The following PDE3B variants were observed in gnomAD, a reference collection of about 807,000 sequenced individuals.
The protein encoded by PDE3B is cGMP-inhibited 3',5'-cyclic phosphodiesterase 3B.
In PDE3B, 66 loss-of-function variants were observed where a neutral mutation model predicts 116.8. The observed-to-expected ratio is 0.56, with a 90% confidence interval of 0.46 to 0.69. The LOEUF (loss-of-function observed/expected upper bound fraction) is 0.69. Ranked by LOEUF, PDE3B falls within the 30% of genes least tolerant of loss-of-function variation. PDE3B has a pLI of 0.00. For synonymous variants in PDE3B, 595 were observed against 533.6 expected, an observed-to-expected ratio of 1.12 and a Z score of -1.59; for missense variants, 1,384 against 1,368.1, an observed-to-expected ratio of 1.01 and a Z score of -0.18.
chr11:14,702,555 C>T (rs1014076507), intron 1 of PDE3B, among the ~76,000 whole-genome samples: 1 of 151,846 alleles, frequency 6.6e-6, no homozygotes, highest in Non-Finnish European at 1.5e-5. Context: ...TTTGGAGCAG[C>T]TGGAGCTCAA....
chr11:14,811,621 T>C (rs368642504), intron 5 of PDE3B, among the ~76,000 whole-genome samples: 6 of 152,132 alleles, frequency 3.9e-5, no homozygotes, highest in Admixed American at 6.6e-5. Flanking sequence ...CTTGGCGATG[T>C]GGGCTCTTTT....
intron 12 of PDE3B, among the ~76,000 whole-genome samples, chr11:14,856,440 A>T (rs1847852064): frequency 6.6e-6 from 1 of 152,014 alleles, no homozygotes; most frequent in Non-Finnish European, 1.5e-5. Flanking sequence ...AAACAACAAA[A>T]CTAGCTGCTT....
intron 1 of PDE3B, among the ~76,000 whole-genome samples, chr11:14,738,984 A>G (rs1404784681): frequency 1.3e-5 from 2 of 152,210 alleles, no homozygotes; most frequent in Admixed American, 6.5e-5. Flanking sequence ...TACTAGTACC[A>G]TGCTGTTTTG....
At chr11:14,664,648 A>G (rs1053263542) in intron 1 of PDE3B, among the ~76,000 whole-genome samples, 1 of 152,238 alleles carries the variant, frequency 6.6e-6, no homozygotes, top group Non-Finnish European at 1.5e-5. Context: ...GCTCTAAGCA[A>G]ATAAACTAGA....
chr11:14,658,968 G>A (rs11023294), intron 1 of PDE3B, among the ~76,000 whole-genome samples: 18,063 of 151,946 alleles, frequency 0.12, 1,370 homozygotes, highest in African/African-American at 0.22. Context: ...AAATCACTTC[G>A]CAGGACATTT....
chr11:14,687,121 A>G (rs1272417149), intron 1 of PDE3B, among the ~76,000 whole-genome samples: 2 of 152,190 alleles, frequency 1.3e-5, no homozygotes, highest in African/African-American at 4.8e-5. Context: ...CCTTCCAACT[A>G]TCCATGTGTT....
chr11:14,848,053 C>T (rs1244433104), intron 12 of PDE3B, among the ~76,000 whole-genome samples: 1 of 150,756 alleles, frequency 6.6e-6, no homozygotes, highest in Non-Finnish European at 1.5e-5. Flanking sequence ...AATTTTAGAC[C>T]AATATCCTTG....
chr11:14,723,773 C>A (rs1030790452), intron 1 of PDE3B, among the ~76,000 whole-genome samples: 31 of 150,408 alleles, frequency 2.1e-4, no homozygotes, highest in Non-Finnish European at 2.4e-4. Context: ...AAAAAAAAAA[C>A]AAAAACCAGT....
chr11:14,891,311 G>T, the PDE3B span: 1 of 985,430 alleles, frequency 1.0e-6, no homozygotes, highest in Non-Finnish European at 1.2e-6. Flanking sequence ...CACAGAAGGC[G>T]CCTTTTAAGT....
chr11:14,848,456 C>G (rs1224621646), intron 12 of PDE3B, among the ~76,000 whole-genome samples: 16 of 151,568 alleles, frequency 1.1e-4, no homozygotes, highest in African/African-American at 3.9e-4. Context: ...TCTCACCACT[C>G]CTATTCAACA....
rs1002933349 is a variant in PDE3B at position 14,796,225 on chromosome 11, G to A, written c.1415+6983G>A. 2.0e-5 allele frequency among the ~76,000 whole-genome samples: 3 copies of A among 152,068 alleles called. No homozygotes were observed. In the East Asian group the frequency reaches 5.8e-4, roughly 29 times the overall value. On this transcript the variant is annotated intron_variant, in intron 4 of 15. Coordinates refer to ENST00000282096, the MANE Select transcript of PDE3B (RefSeq NM_000922.4). Reference sequence around the variant, plus strand: ...TGAACTCTTCCTTTTTTATGGCTGCGTAGTATTCCGTGGTGTGTATGTGCC... The same window carrying A: ...TGAACTCTTCCTTTTTTATGGCTGCATAGTATTCCGTGGTGTGTATGTGCC...
At chr11:14,845,085 C>T (rs1471548419) in intron 12 of PDE3B, among the ~76,000 whole-genome samples, 3 of 152,082 alleles carry the variant, frequency 2.0e-5, no homozygotes, top group African/African-American at 7.3e-5. Context: ...TGGGAGGCAC[C>T]CCCTAGTAGG....
At position 14,786,500 on chromosome 11, in the gene PDE3B, G is replaced by C. The variant is rs758261639; in HGVS notation, c.1093G>C (p.Asp365His). 12 of 1,612,420 alleles carry C rather than the reference G, an allele frequency of 7.4e-6. No individual in the cohort carries two copies. Among genetic ancestry groups the C allele is most frequent in the Non-Finnish European group, 1.7e-6 (2 of 1,178,752 alleles). ...VLNEARNMVS[D>H]LLTDPSLPPQ... is the part of the protein sequence containing the mutation. ...AAATGAGGCTCGCAATATGGTGTCA[G>C]ATCTTCTGACTGATCCAAGCCTTCC... The change falls in exon 3 of 16, where the codon GAT becomes CAT. Residue 365 changes from aspartate to histidine, a missense_variant. Around this residue, in one of 2 missense-constraint regions of PDE3B, gnomAD observed 956 missense variants for 806.8 expected, o/e 1.18. Transcript: ENST00000282096.
intron 1 of PDE3B, among the ~76,000 whole-genome samples, chr11:14,678,052 C>T (rs1031205883): frequency 1.3e-5 from 2 of 152,052 alleles, no homozygotes; most frequent in Admixed American, 6.6e-5. Context: ...CCACAGCCTC[C>T]GGAGTAGCTG....
rs955410232 is a variant in PDE3B, at chr11:14,835,078, G to A, written c.2303G>A (p.Gly768Glu). Residue 768 changes from glycine to glutamate, a missense_variant, in exon 11 of 16, where the codon GGA becomes GAA. Physicochemically the swap from Gly to Glu is moderately conservative, Grantham distance 98. Around this residue, in one of 2 missense-constraint regions of PDE3B, gnomAD observed 428 missense variants for 561.4 expected, o/e 0.76. Coordinates refer to ENST00000282096, the MANE Select transcript of PDE3B (RefSeq NM_000922.4). ...TTACAGCAGATCCACAATGGTTGTG[G>A]AACAGGAAATGAAACAGGTACTTCC... The part of the protein sequence containing the change: ...PGLQQIHNGC[G>E]TGNETDSDGR... 1 of 1,607,588 alleles carries A rather than the reference G, an allele frequency of 6.2e-7. No homozygotes were observed. The highest frequency in any genetic ancestry group is 1.3e-5 in the African/African-American group (1 of 74,856).
chr11:14,672,226 T>C (rs528419402), intron 1 of PDE3B, among the ~76,000 whole-genome samples: 18 of 152,004 alleles, frequency 1.2e-4, no homozygotes, highest in African/African-American at 3.6e-4. Context: ...AGCACTGTTA[T>C]TAATTTTGCA....
chr11:14,874,158 T>C (rs144414220), downstream of PDE3B, among the ~76,000 whole-genome samples: 1 of 152,224 alleles, frequency 6.6e-6, no homozygotes, highest in African/African-American at 2.4e-5. Flanking sequence ...TTTTGTCTTA[T>C]GTTTTCTGGC....
chr11:14,740,431 T>C (rs1361942346), intron 1 of PDE3B, among the ~76,000 whole-genome samples: 1 of 152,250 alleles, frequency 6.6e-6, no homozygotes, highest in East Asian at 1.9e-4. Flanking sequence ...TGTATTTCCA[T>C]GGGATCAGGG....
At chr11:14,670,020 G>C (rs1348330749) in intron 1 of PDE3B, among the ~76,000 whole-genome samples, 1 of 152,122 alleles carries the variant, frequency 6.6e-6, no homozygotes, top group Admixed American at 6.6e-5. Flanking sequence ...AATCAATAGT[G>C]CCTTCATCAT....
Sources: gnomAD v4.1 joint callset for allele counts (sites outside exome capture counted in the v4.1 genomes callset) on GRCh38, gnomAD v4.1.1 for gene constraint, gnomAD v4.1.1 regional missense constraint, MANE v1.5 for transcripts, NCBI Gene and HGNC (gene_info 2026-07-23, HGNC 2026-07-21) for gene names.